The following PATE2 variants were observed in gnomAD, a reference collection of about 807,000 sequenced individuals.
The protein encoded by PATE2 is prostate and testis expressed 2, also known as prostate and testis expressed protein 2.
In PATE2, 7 loss-of-function variants were observed where a neutral mutation model predicts 10.5. The observed-to-expected ratio is 0.66, with a 90% CI of 0.38 to 1.25. The LOEUF (loss-of-function observed/expected upper bound fraction) is 1.25, where lower values mean the gene tolerates loss of function less well. Among genes scored for constraint, PATE2 ranks in the 50% most tolerant of loss-of-function variants. The pLI is 0.02. For missense variants in PATE2, 133 were observed against 135.4 expected, an observed-to-expected ratio of 0.98 and a Z score of 0.09; for synonymous variants, 44 against 46.9, an observed-to-expected ratio of 0.94 and a Z score of 0.25.
intron 3 of PATE2, 125 bp downstream of exon 3, chr11:125,777,749 C>T (rs1943499672): frequency 1.6e-6 from 2 of 1,284,974 alleles, no homozygotes; most frequent in African/African-American, 3.0e-5. Context: ...CTGTCTTTGC[C>T]ATCCCCTCAA....
At position 125,778,148 on chromosome 11, in the gene PATE2, G is replaced by A. The variant is rs1943504672; in HGVS notation, c.77-146C>T. The stretch of plus-strand genomic sequence containing the variant: ...ACTCTTGGTAATCTTGAGAAAGATA[G>A]GGATAATCATGCTGCGGTCCTCCCC... On this transcript the variant is annotated intron_variant, in intron 2 of 3. Coordinates refer to ENST00000358524, the MANE Select transcript of PATE2 (RefSeq NM_212555.3). 1.3e-5 allele frequency: 10 copies of A among 794,526 alleles called. 1 individual carries two copies. In the South Asian group the frequency reaches 1.6e-4, roughly 13 times the overall value. 49.2% of individuals were successfully genotyped at this position (794,526 alleles called of 1,614,324 possible). A position where few individuals can be genotyped will look rare whatever the true frequency, so the allele number is the denominator to read the frequency against.
rs1483681471 is a variant in PATE2 at position 125,778,822 on chromosome 11, C to G, written c.-49G>C. On this transcript the variant is annotated 5_prime_UTR_variant, in exon 1 of 4. Transcript: ENST00000358524. ...CTTCCTGTGGAAGGAGCAAGTTGTT[C>G]TCTTGTGATCTGTCCTTGGGCTAGT... The G allele has an allele frequency of 6.3e-7, 1 of 1,593,886 alleles. No homozygotes were observed. The highest frequency in any genetic ancestry group is 2.2e-5 in the East Asian group (1 of 44,738).
At position 125,778,566 on chromosome 11, in the gene PATE2, T is replaced by A. The variant is rs1322804746; in HGVS notation, c.62A>T (p.His21Leu). ...FLLCPYWGELHDPIKATEIMC... is the reference protein window; with the variant it reads ...FLLCPYWGELLDPIKATEIMC... ...CATGATTGTACCTTTTATAGGGTCA[T>A]GAAGTTCACCTGTGAAAAGAAGAAA... is the stretch of plus-strand genomic sequence containing the variant. The change falls in exon 2 of 4, where the codon CAT (histidine) becomes CTT (leucine). Residue 21 changes from histidine to leucine, a missense_variant. Physicochemically the swap from His to Leu is moderately conservative, Grantham distance 99. Coordinates refer to ENST00000358524, the MANE Select transcript of PATE2 (RefSeq NM_212555.3). 1 of 1,613,604 alleles carries A rather than the reference T, an allele frequency of 6.2e-7. No homozygotes were observed. Among genetic ancestry groups the A allele is most frequent in the Middle Eastern group, 1.7e-4 (1 of 6,056 alleles).
intron 1 of PATE2, 25 bp downstream of exon 1, chr11:125,778,697 C>T (rs1565421158): frequency 6.2e-7 from 1 of 1,613,434 alleles, no homozygotes; most frequent in Non-Finnish European, 8.5e-7. Flanking sequence ...CAACCACCAG[C>T]TTCCCCTCTG....
Position 125,777,526 on chromosome 11 carries a change from G to A in PATE2, c.206-8C>T, listed in dbSNP as rs374799153. The A allele has an allele frequency of 1.4e-5, 22 of 1,613,120 alleles. No homozygotes were observed. In the African/African-American group the frequency reaches 2.5e-4, roughly 19 times the overall value. On this transcript the variant is annotated splice_region_variant and splice_polypyrimidine_tract_variant and intron_variant, in intron 3 of 3. Transcript: ENST00000358524. ...AATGATACATGCTCTGCCCTGAGGA[G>A]GTAAAAGAGAGGAAATATGATCATA...
At position 125,777,389 on chromosome 11, in the gene PATE2, C is replaced by G. The variant is rs764700220; in HGVS notation, c.335G>C (p.Gly112Ala). Residue 112 changes from glycine to alanine, a missense_variant, in exon 4 of 4, where the codon GGA (glycine) becomes GCA (alanine). Transcript: ENST00000358524. ...TCCAGGAGAGACGTAGAACTAAACTCCCTCAGGGAGGTTGCAGTAGTTACT... is the reference window on the plus strand; with the variant it reads ...TCCAGGAGAGACGTAGAACTAAACTGCCTCAGGGAGGTTGCAGTAGTTACT... The part of the protein sequence containing the change: ...DHSNYCNLPE[G>A]V The G allele has an allele frequency of 6.2e-7, 1 of 1,613,464 alleles. No homozygotes were observed. Among genetic ancestry groups the G allele is most frequent in the Admixed American group, 1.7e-5 (1 of 59,918 alleles).
intron 2 of PATE2, 26 bp downstream of exon 2, chr11:125,778,526 G>T (rs896787082): frequency 6.2e-7 from 1 of 1,611,954 alleles, no homozygotes; most frequent in Non-Finnish European, 8.5e-7. Context: ...TGTTTACCAA[G>T]GACTTCAGAG....
rs765002812 is a variant in PATE2, at chr11:125,778,033, A to G, written c.77-31T>C. 3.1e-6 allele frequency: 5 copies of G among 1,607,880 alleles called. No homozygotes were observed. The South Asian group carries it at 5.5e-5, about 18-fold the overall frequency. On this transcript the variant is annotated intron_variant, in intron 2 of 3. Coordinates refer to ENST00000358524, the MANE Select transcript of PATE2 (RefSeq NM_212555.3). Reference sequence around the variant, plus strand: ...AGATACAAAAAGAGGTGCTTAGAGGATGCAGTCTTGAGAATATTCTCTGGG... The same window carrying G: ...AGATACAAAAAGAGGTGCTTAGAGGGTGCAGTCTTGAGAATATTCTCTGGG...
chr11:125,778,480 A>G, intron 2 of PATE2, 72 bp downstream of exon 2: 4 of 1,507,888 alleles, frequency 2.7e-6, no homozygotes, highest in Non-Finnish European at 3.7e-6. Context: ...CTGAAGATGA[A>G]GGAAAGGTTT....
chr11:125,777,698 C>T (rs1365934979), intron 3 of PATE2, among the ~76,000 whole-genome samples, 176 bp downstream of exon 3: 3 of 152,080 alleles, frequency 2.0e-5, no homozygotes, highest in Non-Finnish European at 1.5e-5. Context: ...AGGTAAGGGA[C>T]ATCAGCCTCT....
rs779642677 is a variant in PATE2 at position 125,778,547 on chromosome 11, T to G, written c.76+5A>C. 8.1e-6 allele frequency: 13 copies of G among 1,613,456 alleles called. No homozygotes were observed. The South Asian group carries it at 1.2e-4, about 15-fold the overall frequency. The stretch of plus-strand genomic sequence containing the variant: ...CCAAGGACTTCAGAGAAGCCATGAT[T>G]GTACCTTTTATAGGGTCATGAAGTT... On this transcript the variant is annotated splice_donor_5th_base_variant and intron_variant, in intron 2 of 3. Transcript: ENST00000358524.
rs1332268912 is a variant in PATE2, at chr11:125,776,182, ATTTT to A, written c.*1196_*1199del. ...TTTTCTGGCCTTTATTTATTTATTT[ATTTT>A]TTTATTTTACTTTAAGTTCTGGGAT... On this transcript the variant is annotated 3_prime_UTR_variant, in exon 4 of 4. Coordinates refer to ENST00000358524, the MANE Select transcript of PATE2 (RefSeq NM_212555.3). The A allele has an allele frequency of 6.6e-6, 1 of 151,434 alleles. No individual in the cohort carries two copies. The highest frequency in any genetic ancestry group is 2.4e-5 in the African/African-American group (1 of 41,182). The allele number at this position is 151,434 out of a possible 1,614,324, so 9.4% of individuals were successfully genotyped here.
chr11:125,778,075 C>G, intron 2 of PATE2, 73 bp from the exon 3 acceptor site: 2 of 1,527,524 alleles, frequency 1.3e-6, no homozygotes, highest in South Asian at 1.2e-5. Flanking sequence ...GGCTTCACTA[C>G]AGGACCTTAT....
chr11:125,778,645 T>C, intron 1 of PATE2, 70 bp from the exon 2 acceptor site: 1 of 1,612,226 alleles, frequency 6.2e-7, no homozygotes, highest in Non-Finnish European at 8.5e-7. Flanking sequence ...AGAGCCAATT[T>C]TGAAAACTTT....
chr11:125,778,486 G>T lies in PATE2; in HGVS notation c.76+66C>A, dbSNP rs374936569. ...CAGGCCTCTCTGAAGATGAAGGAAA[G>T]GTTTGCTCCTAAACATGTCACAAAT... On this transcript the variant is annotated intron_variant, in intron 2 of 3. Transcript: ENST00000358524. The T allele has an allele frequency of 1.4e-5, 22 of 1,532,202 alleles. No homozygotes were observed. In the African/African-American group the frequency reaches 1.5e-4, roughly 11 times the overall value. 94.9% of individuals were successfully genotyped at this position (1,532,202 alleles called of 1,614,324 possible).
At chr11:125,778,436 A>G in intron 2 of PATE2, 116 bp downstream of exon 2, 1 of 1,169,040 alleles carries the variant, frequency 8.6e-7, no homozygotes, top group Non-Finnish European at 1.2e-6. Context: ...CGAAACCCCT[A>G]GGATTCTATA....
rs553418895 is a variant in PATE2 at position 125,777,289 on chromosome 11, A to C, written c.*93T>G. 5.6e-6 allele frequency: 8 copies of C among 1,428,446 alleles called. No individual in the cohort carries two copies. In the East Asian group the frequency reaches 1.8e-4, roughly 33 times the overall value. 88.5% of individuals were successfully genotyped at this position (1,428,446 alleles called of 1,614,324 possible). On this transcript the variant is annotated 3_prime_UTR_variant, in exon 4 of 4. Coordinates refer to ENST00000358524, the MANE Select transcript of PATE2 (RefSeq NM_212555.3). ...GAGCTGGCTTTCTCACTCTCTACCA[A>C]TGCATAGAAGAGGAGAGCAAAATTC...
In PATE2 at chr11:125,776,166, C is replaced by CTTTA. The variant is rs921713017; in HGVS notation, c.*1212_*1215dup. On this transcript the variant is annotated 3_prime_UTR_variant, in exon 4 of 4. Coordinates refer to ENST00000358524, the MANE Select transcript of PATE2 (RefSeq NM_212555.3). ...AGATTTTTTGGCCAATTTTTCTGGC[C>CTTTA]TTTATTTATTTATTTATTTTTTTAT... is the stretch of plus-strand genomic sequence containing the variant. 16 of 151,790 alleles carry CTTTA rather than the reference C, an allele frequency of 1.1e-4. No individual in the cohort carries two copies. The highest frequency in any genetic ancestry group is 3.9e-4 in the African/African-American group (16 of 41,292). 9.4% of individuals were successfully genotyped at this position (151,790 alleles called of 1,614,324 possible).
At chr11:125,778,080 C>A (rs1463054491) in intron 2 of PATE2, 78 bp from the exon 3 acceptor site, 4 of 1,495,040 alleles carry the variant, frequency 2.7e-6, no homozygotes, top group South Asian at 1.2e-5. Context: ...CACTACAGGA[C>A]CTTATTCTTG....
Sources: gnomAD v4.1 joint callset for allele counts (sites outside exome capture counted in the v4.1 genomes callset) on GRCh38, gnomAD v4.1.1 for gene constraint, MANE v1.5 for transcripts, NCBI Gene and HGNC (gene_info 2026-07-23, HGNC 2026-07-21) for gene names.